The following WDR43 variants were observed in gnomAD, a reference collection of about 807,000 sequenced individuals.
WDR43 encodes the protein WD repeat-containing protein 43.
A neutral mutation model predicts 91.4 loss-of-function variants in WDR43; 13 were observed. That is an observed-to-expected ratio of 0.14 (90% CI 0.09 to 0.23). The LOEUF (loss-of-function observed/expected upper bound fraction) is 0.23. Among genes scored for constraint, WDR43 ranks in the 10% least tolerant of loss-of-function variants. WDR43 has a pLI of 1.00. For synonymous variants in WDR43, 331 were observed against 287.9 expected (o/e 1.15, Z -1.51); for missense variants, 780 against 809.4 (o/e 0.96, Z 0.44).
intron 2 of WDR43, among the ~76,000 whole-genome samples, chr2:28,903,989 G>C (rs1407521021): frequency 2.0e-5 from 3 of 152,066 alleles, no homozygotes; most frequent in Non-Finnish European, 2.9e-5. Flanking sequence ...ATTTTTAGTA[G>C]AGATGGGGTT....
chr2:28,946,038 C>G (rs1318954218), intron 16 of WDR43, among the ~76,000 whole-genome samples: 1 of 152,102 alleles, frequency 6.6e-6, no homozygotes, highest in Non-Finnish European at 1.5e-5. Flanking sequence ...TACTTTTATA[C>G]ATGTAAGAAT....
chr2:28,942,418 T>G (rs759164315), intron 16 of WDR43, 37 bp downstream of exon 16: 1 of 1,596,222 alleles, frequency 6.3e-7, no homozygotes, highest in South Asian at 1.1e-5. Flanking sequence ...TCTAGAATTA[T>G]AACATTCAGT....
Position 28,922,923 on chromosome 2 carries a change from T to A in WDR43, c.854T>A (p.Val285Asp). 1 of 1,612,664 alleles carries A rather than the reference T, an allele frequency of 6.2e-7. No homozygotes were observed. Among genetic ancestry groups the A allele is most frequent in the Non-Finnish European group, 8.5e-7 (1 of 1,179,544 alleles). Residue 285 changes from valine (V) to aspartate (D), a missense_variant, in exon 7 of 18, where the codon GTC becomes GAC. By Grantham distance (152) the Val-to-Asp change is radical. Coordinates refer to ENST00000407426, the MANE Select transcript of WDR43 (RefSeq NM_015131.3). ...TTGGTTACATTTTTCTTTTAGCCTG[T>A]CAAGTTGGCTGTTGTTTGCAGAGAT... The part of the protein sequence containing the change: ...LTLSENKEEP[V>D]KLAVVCRDGQ...
chr2:28,916,164 A>G (rs1670906264), intron 5 of WDR43, among the ~76,000 whole-genome samples: 1 of 152,190 alleles, frequency 6.6e-6, no homozygotes, highest in Non-Finnish European at 1.5e-5. Context: ...GTAATCTCTC[A>G]GAGACTTGTT....
Position 28,894,779 on chromosome 2 carries a change from C to T in WDR43, c.81C>T (p.Ala27=), listed in dbSNP as rs1670439637. Residue 27 remains alanine, a synonymous_variant, in exon 1 of 18, where the codon GCC becomes GCT. Coordinates refer to ENST00000407426, the MANE Select transcript of WDR43 (RefSeq NM_015131.3). ...VPCAFSPHSQ[A]YFALASTDGH... ...GCGCCTTCTCCCCGCACAGCCAGGC[C>T]TACTTCGCTTTGGCCTCTACCGACG... The T allele has an allele frequency of 1.9e-6, 3 of 1,607,856 alleles. No homozygotes were observed. Among genetic ancestry groups the T allele is most frequent in the South Asian group, 2.2e-5 (2 of 90,024 alleles).
In WDR43 at chr2:28,947,416, ATTT is replaced by A. The variant is rs1220291395; in HGVS notation, c.*642_*644del. The A allele has an allele frequency of 6.6e-6, 1 of 152,122 alleles. No homozygotes were observed. The highest frequency in any genetic ancestry group is 2.4e-5 in the African/African-American group (1 of 41,434). 9.4% of individuals were successfully genotyped at this position (152,122 alleles called of 1,614,324 possible). A position where few individuals can be genotyped will look rare whatever the true frequency, so the allele number is the denominator to read the frequency against. On this transcript the variant is annotated 3_prime_UTR_variant, in exon 18 of 18. Coordinates refer to ENST00000407426, the MANE Select transcript of WDR43 (RefSeq NM_015131.3). ...TATTTTTGAAGCTATCATGTGAAGT[ATTT>A]TTTTAAAACAAAACAAAAATTATGG...
intron 6 of WDR43, among the ~76,000 whole-genome samples, chr2:28,921,131 A>AT (rs35903168): frequency 1.4e-3 from 212 of 147,750 alleles, no homozygotes; most frequent in South Asian, 6.2e-3. Context: ...TTTAAAAAAA[A>AT]TTTTTTTTTT....
chr2:28,902,887 A>G (rs1030772020), intron 2 of WDR43, among the ~76,000 whole-genome samples: 1 of 152,186 alleles, frequency 6.6e-6, no homozygotes, highest in Non-Finnish European at 1.5e-5. Flanking sequence ...TATCTATTGC[A>G]GTGTGTTTTT....
At chr2:28,913,879 AT>A in intron 4 of WDR43, 189 bp from the exon 5 acceptor site, 1 of 752,348 alleles carries the variant, frequency 1.3e-6, no homozygotes, top group South Asian at 1.7e-5. Context: ...TTTCAGATGG[AT>A]TTTTTTAAAA....
In WDR43 at chr2:28,900,341, C is replaced by T. The variant is rs527249732; in HGVS notation, c.226-1646C>T. On this transcript the variant is annotated intron_variant, in intron 1 of 17. Coordinates refer to ENST00000407426, the MANE Select transcript of WDR43 (RefSeq NM_015131.3). Reference sequence around the variant, plus strand: ...GATTACTAGCGCCCACCACCACGCCCGGCTAATTTTTTTTGTATTTTTAGT... The same window carrying T: ...GATTACTAGCGCCCACCACCACGCCTGGCTAATTTTTTTTGTATTTTTAGT... 3.8e-3 allele frequency among the ~76,000 whole-genome samples: 575 copies of T among 152,146 alleles called. 4 individuals carry two copies. Among genetic ancestry groups the T allele is most frequent in the Non-Finnish European group, 3.6e-3 (248 of 68,018 alleles).
rs763442009 is a variant in WDR43, at chr2:28,913,615, T to C, written c.607-454T>C. The C allele has an allele frequency of 1.8e-4, 91 of 517,532 alleles. 1 individual carries two copies. The highest frequency in any genetic ancestry group is 1.2e-3 in the South Asian group (87 of 71,302). The allele number at this position is 517,532 out of a possible 1,614,324, so 32.1% of individuals were successfully genotyped here. A position where few individuals can be genotyped will look rare whatever the true frequency, so the allele number is the denominator to read the frequency against. On this transcript the variant is annotated intron_variant, in intron 4 of 17. Transcript: ENST00000407426. ...ATTTGACTGTGGAGATTTAGTATTA[T>C]ATTTTTGGAGGAGGAAAAAGCTTTC...
intron 5 of WDR43, among the ~76,000 whole-genome samples, chr2:28,914,660 G>T (rs1297857210): frequency 6.6e-6 from 1 of 152,158 alleles, no homozygotes; most frequent in Non-Finnish European, 1.5e-5. Context: ...GCCGGGTGCC[G>T]TGGCTCATGC....
chr2:28,898,766 G>C (rs959428627), intron 1 of WDR43, among the ~76,000 whole-genome samples: 1 of 151,980 alleles, frequency 6.6e-6, no homozygotes, highest in African/African-American at 2.4e-5. Flanking sequence ...TGTGAAGCTT[G>C]TTTCTATATG....
At chr2:28,905,461 A>T (rs1253027935) in intron 2 of WDR43, among the ~76,000 whole-genome samples, 2 of 152,276 alleles carry the variant, frequency 1.3e-5, no homozygotes, top group East Asian at 3.9e-4. Context: ...TTTAGTGTTT[A>T]CCTGAAGTAA....
chr2:28,927,000 C>A (rs1671153867), intron 9 of WDR43: 1 of 505,206 alleles, frequency 2.0e-6, no homozygotes, highest in East Asian at 5.5e-5. Context: ...CTCCATTTTG[C>A]ATATAACTTG....
At chr2:28,910,855 C>T (rs1311079027) in intron 3 of WDR43, among the ~76,000 whole-genome samples, 1 of 151,520 alleles carries the variant, frequency 6.6e-6, no homozygotes, top group Non-Finnish European at 1.5e-5. Flanking sequence ...TTGCCACCAG[C>T]CCTGGCTAAT....
chr2:28,944,985 A>G (rs993558789), intron 16 of WDR43, among the ~76,000 whole-genome samples: 1 of 152,224 alleles, frequency 6.6e-6, no homozygotes, highest in Non-Finnish European at 1.5e-5. Context: ...GCCAGGGGAA[A>G]CTGAAACTGG....
At chr2:28,926,165 C>T (rs992017258) in intron 8 of WDR43, among the ~76,000 whole-genome samples, 2 of 152,052 alleles carry the variant, frequency 1.3e-5, no homozygotes, top group Non-Finnish European at 1.5e-5. Context: ...AAACCTGTTA[C>T]GTTTAAAAAT....
intron 5 of WDR43, among the ~76,000 whole-genome samples, chr2:28,916,769 T>C (rs1489020651): frequency 6.6e-6 from 1 of 152,208 alleles, no homozygotes; most frequent in African/African-American, 2.4e-5. Context: ...CCCATGAGCC[T>C]CCAGTTGTAA....
Sources: gnomAD v4.1 joint callset for allele counts (sites outside exome capture counted in the v4.1 genomes callset) on GRCh38, gnomAD v4.1.1 for gene constraint, MANE v1.5 for transcripts, NCBI Gene and HGNC (gene_info 2026-07-23, HGNC 2026-07-21) for gene names.